Variants in TTC7A observed in about 807,000 individuals in gnomAD.
TTC7A encodes tetratricopeptide repeat protein 7A.
In TTC7A, 110 loss-of-function variants were observed where a neutral mutation model predicts 103.7. That is an observed-to-expected ratio of 1.06 (90% CI 0.91 to 1.24). The LOEUF (loss-of-function observed/expected upper bound fraction) is 1.24, where lower values mean the gene tolerates loss of function less well. TTC7A is among the 50% of genes most tolerant of loss of function. TTC7A has a pLI of 0.00. For missense variants in TTC7A, 1,340 were observed against 1,116.3 expected (o/e 1.20, Z -2.86); for synonymous variants, 521 against 467.9 (o/e 1.11, Z -1.47).
chr2:47,037,468 T>C (rs953845339), intron 15 of TTC7A, among the ~76,000 whole-genome samples: 1 of 152,238 alleles, frequency 6.6e-6, no homozygotes, highest in Non-Finnish European at 1.5e-5. Context: ...GTTGCTCTGT[T>C]TTTTGGTCTT....
At chr2:46,945,609 T>G (rs999206843) in intron 1 of TTC7A, among the ~76,000 whole-genome samples, 1 of 152,226 alleles carries the variant, frequency 6.6e-6, no homozygotes, top group African/African-American at 2.4e-5. Flanking sequence ...CAGTCTGATT[T>G]TGAACTCCTA....
At chr2:47,037,494 T>G (rs1188436769) in intron 15 of TTC7A, among the ~76,000 whole-genome samples, 1 of 152,240 alleles carries the variant, frequency 6.6e-6, no homozygotes, top group African/African-American at 2.4e-5. Context: ...CACCCCTGTT[T>G]TGAAGATGAA....
chr2:46,957,192 G>A (rs1237219025), intron 3 of TTC7A, among the ~76,000 whole-genome samples, 185 bp downstream of exon 3: 3 of 152,342 alleles, frequency 2.0e-5, no homozygotes, highest in Non-Finnish European at 2.9e-5. Context: ...TGCCTGGGAC[G>A]TTAGGAGACT....
At chr2:46,918,439 C>G (rs1191316824) in intron 2 of TTC7A, among the ~76,000 whole-genome samples, 1 of 152,220 alleles carries the variant, frequency 6.6e-6, no homozygotes, top group Non-Finnish European at 1.5e-5. Flanking sequence ...CGTCCTGCTT[C>G]CATTCTTGCC....
chr2:46,997,127 C>G (rs141651060), intron 8 of TTC7A, among the ~76,000 whole-genome samples: 1 of 152,046 alleles, frequency 6.6e-6, no homozygotes, highest in Non-Finnish European at 1.5e-5. Context: ...TACAGGTGCG[C>G]GCCACCACAC....
intron 2 of TTC7A, among the ~76,000 whole-genome samples, chr2:46,924,859 T>A (rs1669304113): frequency 6.6e-6 from 1 of 152,236 alleles, no homozygotes. Flanking sequence ...AGCTCTGGGC[T>A]CAAGCAATCT....
chr2:47,002,749 T>C (rs1276517119), intron 8 of TTC7A, among the ~76,000 whole-genome samples: 2 of 152,030 alleles, frequency 1.3e-5, no homozygotes, highest in African/African-American at 2.4e-5. Flanking sequence ...CATTTCCCCC[T>C]ACCCCTCCCT....
intron 16 of TTC7A, among the ~76,000 whole-genome samples, chr2:47,049,555 G>T (rs1682659935): frequency 1.3e-5 from 2 of 152,040 alleles, no homozygotes; most frequent in African/African-American, 4.8e-5. Context: ...GGGTTTGGGG[G>T]TTGCAGCACT....
rs1354504333 is a variant in TTC7A at position 47,075,290 on chromosome 2, TATATAA to T, written c.*1373_*1378del. The T allele has an allele frequency of 2.0e-5, 3 of 152,228 alleles. No individual in the cohort carries two copies. The highest frequency in any genetic ancestry group is 3.8e-4 in the East Asian group (2 of 5,202). The allele number at this position is 152,228 out of a possible 1,614,324, so 9.4% of individuals were successfully genotyped here. ...GTTGAAGGATCTCTATGTATGTGTGTATATAAATATAGTTTTTTATCTATATATATA... is the reference window on the plus strand; with the variant it reads ...GTTGAAGGATCTCTATGTATGTGTGTATATAGTTTTTTATCTATATATATA... On this transcript the variant is annotated 3_prime_UTR_variant, in exon 20 of 20. Transcript: ENST00000319190.
At chr2:47,049,502 G>T (rs1356958251) in intron 16 of TTC7A, among the ~76,000 whole-genome samples, 1 of 152,090 alleles carries the variant, frequency 6.6e-6, no homozygotes, top group Non-Finnish European at 1.5e-5. Flanking sequence ...CCAAGGAATG[G>T]AAGCCTGAGG....
At chr2:46,917,878 G>A (rs1162631803) in intron 2 of TTC7A, among the ~76,000 whole-genome samples, 1 of 152,096 alleles carries the variant, frequency 6.6e-6, no homozygotes, top group Non-Finnish European at 1.5e-5. Context: ...GGGTCCTTCT[G>A]CTACCTCACT....
At chr2:47,063,979 T>C (rs991433878) in intron 19 of TTC7A, among the ~76,000 whole-genome samples, 2 of 152,192 alleles carry the variant, frequency 1.3e-5, no homozygotes, top group African/African-American at 4.8e-5. Context: ...CCCATGTTTC[T>C]AAGAATATAA....
At position 47,046,372 on chromosome 2, in the gene TTC7A, C is replaced by G. The variant is rs13427658; in HGVS notation, c.1860C>G (p.Leu620=). The change falls in exon 16 of 20, where the codon CTC becomes CTG. Residue 620 remains leucine, a synonymous_variant. Coordinates refer to ENST00000319190, the MANE Select transcript of TTC7A (RefSeq NM_020458.4). The part of the protein sequence containing the change: ...EQVLKGPEEA[L]VTCRQVLRLW... ...TGCTGAAAGGCCCAGAGGAAGCCCT[C>G]GTGACCTGCAGACAAGTGCTGAGGC... 1.9e-6 allele frequency: 3 copies of G among 1,614,132 alleles called. No individual in the cohort carries two copies. The highest frequency in any genetic ancestry group is 1.7e-6 in the Non-Finnish European group (2 of 1,180,022).
At chr2:46,941,079 A>G (rs1670296901), upstream of TTC7A, 1 of 148,684 alleles carries the variant, frequency 6.7e-6, no homozygotes, top group African/African-American at 2.5e-5. This position sits in a 1 kb window ranked among gnomAD's most constrained non-coding sequence, Gnocchi z 4.2. Context: ...GGCGGCCGCG[A>G]GCGCCCTTCG....
At chr2:47,012,007 G>A (rs1052476990) in intron 11 of TTC7A, among the ~76,000 whole-genome samples, 10 of 152,184 alleles carry the variant, frequency 6.6e-5, no homozygotes, top group African/African-American at 2.2e-4. Context: ...TCCCCAGTTC[G>A]AGGCCTTTAA....
chr2:46,970,941 C>G (rs373813348), intron 3 of TTC7A, among the ~76,000 whole-genome samples: 7 of 152,364 alleles, frequency 4.6e-5, no homozygotes, highest in African/African-American at 1.7e-4. Flanking sequence ...AACTTTGGAT[C>G]TGGTCACACC....
chr2:46,932,074 C>T (rs1669734314), intron 2 of TTC7A, among the ~76,000 whole-genome samples: 1 of 151,904 alleles, frequency 6.6e-6, no homozygotes, highest in Admixed American at 6.6e-5. Flanking sequence ...TTTTAAAAAA[C>T]CTTTAACAAA....
intron 2 of TTC7A, among the ~76,000 whole-genome samples, chr2:46,925,735 TA>T (rs1256350324): frequency 6.6e-6 from 1 of 152,194 alleles, no homozygotes; most frequent in Non-Finnish European, 1.5e-5. Context: ...GCAACATTAA[TA>T]ATTGATTCTG....
Position 46,981,802 on chromosome 2 carries a change from A to C in TTC7A, c.764+2895A>C, listed in dbSNP as rs1674494108. 1.3e-5 allele frequency among the ~76,000 whole-genome samples: 2 copies of C among 152,224 alleles called. 1 individual carries two copies. Among genetic ancestry groups the C allele is most frequent in the Non-Finnish European group, 2.9e-5 (2 of 68,034 alleles). On this transcript the variant is annotated intron_variant, in intron 5 of 19. Transcript: ENST00000319190. ...GTATCCCTGCCCAATGGAGCTGCTT[A>C]TCAGTAACCTTGAGCTTGAGTTCTC...
Sources: gnomAD v4.1 joint callset for allele counts (sites outside exome capture counted in the v4.1 genomes callset) on GRCh38, gnomAD v4.1.1 for gene constraint, Gnocchi (gnomAD v3.1) non-coding constraint, MANE v1.5 for transcripts, NCBI Gene and HGNC (gene_info 2026-07-23, HGNC 2026-07-21) for gene names.